Variants in DCC observed in about 807,000 individuals in gnomAD.
The protein encoded by DCC is DCC netrin 1 receptor.
Under a neutral mutation model 172.5 loss-of-function variants are expected in DCC, and 58 were observed. The ratio of observed to expected loss-of-function variants is 0.34; its 90% CI spans 0.27 to 0.42. DCC has a LOEUF of 0.42. Among genes scored for constraint, DCC ranks in the 10% least tolerant of loss-of-function variants. DCC has a pLI of 1.00. For synonymous variants in DCC, 709 were observed against 644.5 expected (o/e 1.10, Z -1.52); for missense variants, 1,740 against 1,791.0 (o/e 0.97, Z 0.51).
At chr18:52,524,443 C>A (rs1171317420) in intron 1 of DCC, among the ~76,000 whole-genome samples, 1 of 152,156 alleles carries the variant, frequency 6.6e-6, no homozygotes, top group Non-Finnish European at 1.5e-5. Flanking sequence ...CTGCTTATTA[C>A]ACTGAAATGG....
At chr18:52,994,431 A>C (rs2041446895) in intron 5 of DCC, among the ~76,000 whole-genome samples, 1 of 152,164 alleles carries the variant, frequency 6.6e-6, no homozygotes, top group African/African-American at 2.4e-5. Context: ...AGAAAAACCC[A>C]TGCATCAAAT....
intron 12 of DCC, among the ~76,000 whole-genome samples, chr18:53,303,891 T>C (rs1361105978): frequency 6.6e-6 from 1 of 152,022 alleles, no homozygotes; most frequent in Non-Finnish European, 1.5e-5. Flanking sequence ...GGATGGTAAA[T>C]GTGGGGGATT....
In DCC at chr18:53,199,238, C is replaced by G. The variant is rs559078913; in HGVS notation, c.1574-5978C>G. 2.0e-5 allele frequency among the ~76,000 whole-genome samples: 3 copies of G among 151,778 alleles called. No individual in the cohort carries two copies. The South Asian group carries it at 6.2e-4, about 32-fold the overall frequency. On this transcript the variant is annotated intron_variant, in intron 9 of 28. Transcript: ENST00000442544. ...CCTGAGTAGCTGGGATTACAGGTGC[C>G]CACCACCACGCCTGGCTAATTTTTG... is the stretch of plus-strand genomic sequence containing the variant.
rs1300738812 is a variant in DCC at position 53,128,870 on chromosome 18, C to CACACACAT, written c.1262-28485_1262-28484insCACACATA. 1.1e-3 allele frequency among the ~76,000 whole-genome samples: 82 copies of CACACACAT among 77,442 alleles called. 1 individual carries two copies. The highest frequency in any genetic ancestry group is 1.4e-3 in the Admixed American group (10 of 7,128). 50.8% of individuals were successfully genotyped at this position (77,442 alleles called of 152,430 possible). A position where few individuals can be genotyped will look rare whatever the true frequency, so the allele number is the denominator to read the frequency against. On this transcript the variant is annotated intron_variant, in intron 7 of 28. Transcript: ENST00000442544. The stretch of plus-strand genomic sequence containing the variant: ...ACACACACACACACACACACACACA[C>CACACACAT]ATATATATATATATATATATATATA...
At chr18:53,292,120 C>G (rs534075790) in intron 12 of DCC, among the ~76,000 whole-genome samples, 1 of 151,698 alleles carries the variant, frequency 6.6e-6, no homozygotes, top group Admixed American at 6.6e-5. Flanking sequence ...TCCACCCCCC[C>G]CCCCTTTTTT....
chr18:52,662,103 G>A (rs761942228), intron 1 of DCC, among the ~76,000 whole-genome samples: 8 of 152,160 alleles, frequency 5.3e-5, no homozygotes, highest in Non-Finnish European at 1.2e-4. Context: ...AAATTTCCTT[G>A]CATCAGAATC....
At chr18:52,512,121 A>T (rs774235802) in intron 1 of DCC, among the ~76,000 whole-genome samples, 7 of 152,204 alleles carry the variant, frequency 4.6e-5, no homozygotes, top group Non-Finnish European at 1.0e-4. Flanking sequence ...GAGGAGACTG[A>T]GCTCAGCATT....
chr18:52,701,143 C>A (rs1350971075), intron 1 of DCC, among the ~76,000 whole-genome samples: 1 of 152,174 alleles, frequency 6.6e-6, no homozygotes, highest in Non-Finnish European at 1.5e-5. Flanking sequence ...TTTTTCAATA[C>A]AATCAGGTAC....
At chr18:53,240,121 G>A (rs1469089077) in intron 12 of DCC, among the ~76,000 whole-genome samples, 2 of 147,522 alleles carry the variant, frequency 1.4e-5, no homozygotes, top group South Asian at 2.1e-4. Flanking sequence ...TTTTCCAGAA[G>A]AATAAATATG....
At chr18:53,227,669 G>A (rs766772138) in intron 12 of DCC, among the ~76,000 whole-genome samples, 1 of 152,168 alleles carries the variant, frequency 6.6e-6, no homozygotes, top group African/African-American at 2.4e-5. Context: ...ATTAACTTAA[G>A]AACATATTAT....
At chr18:52,726,427 T>C (rs867560491) in intron 1 of DCC, among the ~76,000 whole-genome samples, 4 of 152,170 alleles carry the variant, frequency 2.6e-5, no homozygotes, top group African/African-American at 9.6e-5. Context: ...ATTTCACTAT[T>C]TGTAGCATCA....
At chr18:53,137,567 A>T (rs1167671588) in intron 7 of DCC, among the ~76,000 whole-genome samples, 1 of 152,172 alleles carries the variant, frequency 6.6e-6, no homozygotes, top group African/African-American at 2.4e-5. Flanking sequence ...TCTAACCAAG[A>T]GAGTAACTGT....
intron 1 of DCC, among the ~76,000 whole-genome samples, chr18:52,562,130 C>G (rs958095654): frequency 6.6e-6 from 1 of 152,018 alleles, no homozygotes; most frequent in Non-Finnish European, 1.5e-5. Context: ...TGCATTGGTA[C>G]AAAATGGGAT....
chr18:52,372,777 G>A (rs571490369), intron 1 of DCC, among the ~76,000 whole-genome samples: 2 of 152,230 alleles, frequency 1.3e-5, no homozygotes, highest in East Asian at 3.9e-4. Context: ...AACCCAAGAA[G>A]CAATGTGGCA....
At chr18:53,485,840 CAAAAG>C (rs1599205264) in intron 25 of DCC, among the ~76,000 whole-genome samples, 1 of 151,842 alleles carries the variant, frequency 6.6e-6, no homozygotes, top group African/African-American at 2.4e-5. Flanking sequence ...AGGAATATGA[CAAAAG>C]AAAAGATTTT....
intron 1 of DCC, among the ~76,000 whole-genome samples, chr18:52,458,106 G>A (rs753114719): frequency 3.9e-5 from 6 of 152,148 alleles, no homozygotes; most frequent in Non-Finnish European, 7.4e-5. Context: ...TATCTCTGAT[G>A]TCCTTGGTGG....
chr18:53,500,210 A>AG (rs1192875816), intron 27 of DCC, among the ~76,000 whole-genome samples: 3 of 152,124 alleles, frequency 2.0e-5, no homozygotes, highest in Non-Finnish European at 4.4e-5. Flanking sequence ...TTAGGGGTTG[A>AG]GGAGGGGGAG....
rs544797419 is a variant in DCC, at chr18:52,446,308, G to A, written c.91+105430G>A. ...TTAACCTCGATTAATAAGGAAAGAA[G>A]ACAATAAATTTTAGGATGTTTGAAA... On this transcript the variant is annotated intron_variant, in intron 1 of 28. Coordinates refer to ENST00000442544, the MANE Select transcript of DCC (RefSeq NM_005215.4). 5.6e-4 allele frequency among the ~76,000 whole-genome samples: 86 copies of A among 152,292 alleles called. 1 individual carries two copies. The highest frequency in any genetic ancestry group is 3.5e-3 in the South Asian group (17 of 4,824).
At chr18:53,266,340 C>G (rs1031888284) in intron 12 of DCC, among the ~76,000 whole-genome samples, 28 of 152,188 alleles carry the variant, frequency 1.8e-4, no homozygotes, top group Admixed American at 1.6e-3. Flanking sequence ...GCAGTTGGAA[C>G]AACTTGGAGG....
Sources: gnomAD v4.1 joint callset for allele counts (sites outside exome capture counted in the v4.1 genomes callset) on GRCh38, gnomAD v4.1.1 for gene constraint, MANE v1.5 for transcripts, NCBI Gene and HGNC (gene_info 2026-07-23, HGNC 2026-07-21) for gene names.